The following TNRC6C variants were observed in gnomAD, a reference collection of about 807,000 sequenced individuals.
TNRC6C encodes trinucleotide repeat-containing gene 6C protein.
Under a neutral mutation model 153.7 loss-of-function variants are expected in TNRC6C, and 20 were observed. The ratio of observed to expected loss-of-function variants is 0.13; its 90% CI spans 0.09 to 0.19. TNRC6C has a LOEUF of 0.19. Ranked by LOEUF, TNRC6C falls within the 10% of genes least tolerant of loss-of-function variation. The pLI, the probability that TNRC6C is intolerant of heterozygous loss-of-function variation, is 1.00. For synonymous variants in TNRC6C, 811 were observed against 841.4 expected (o/e 0.96, Z 0.63); for missense variants, 1,987 against 2,172.0 (o/e 0.91, Z 1.69).
chr17:78,067,023 G>T (rs1249461386), intron 4 of TNRC6C: 2 of 152,288 alleles, frequency 1.3e-5, no homozygotes, highest in East Asian at 3.9e-4. Flanking sequence ...GCAAGGATGA[G>T]ATACAGATTT....
At chr17:78,058,810 C>T (rs1417527569) in intron 3 of TNRC6C, among the ~76,000 whole-genome samples, 3 of 152,182 alleles carry the variant, frequency 2.0e-5, no homozygotes, top group Admixed American at 6.5e-5. Context: ...TCCTACAAGT[C>T]GGCAAAGGCT....
At position 78,079,775 on chromosome 17, in the gene TNRC6C, C is replaced by T. The variant is rs1241390680; in HGVS notation, c.3357+234C>T. On this transcript the variant is annotated intron_variant, in intron 10 of 19. Coordinates refer to ENST00000301624, the Ensembl canonical transcript of TNRC6C. This position sits in a 1 kb window ranked among gnomAD's most constrained non-coding sequence, Gnocchi z 4.3. ...TTGCTCCTTGGAATGCCTCAGCCAC[C>T]GAAACTAGCATTTGGCATCTTCCTG... 5.3e-5 allele frequency among the ~76,000 whole-genome samples: 8 copies of T among 152,116 alleles called. No homozygotes were observed. The highest frequency in any genetic ancestry group is 1.4e-4 in the African/African-American group (6 of 41,392).
At chr17:78,007,738 A>G (rs919800108) in intron 1 of TNRC6C, among the ~76,000 whole-genome samples, 4 of 152,228 alleles carry the variant, frequency 2.6e-5, no homozygotes, top group African/African-American at 9.6e-5. Context: ...GAGAAGCTGC[A>G]GTTATAAATT....
exon 3 of TNRC6C, chr17:78,051,015 A>G (rs1159072963): frequency 6.2e-7 from 1 of 1,613,878 alleles, no homozygotes; most frequent in Non-Finnish European, 8.5e-7. Flanking sequence ...AGGCCAATCC[A>G]GGTACAAACT....
chr17:78,043,872 C>T (rs1174893637), intron 2 of TNRC6C, among the ~76,000 whole-genome samples: 1 of 152,198 alleles, frequency 6.6e-6, no homozygotes, highest in Non-Finnish European at 1.5e-5. Flanking sequence ...CCAGTTCCAT[C>T]CATGTTGTTG....
At chr17:77,958,993 G>T (rs1316192890), upstream of TNRC6C, among the ~76,000 whole-genome samples, 1 of 145,844 alleles carries the variant, frequency 6.9e-6, no homozygotes, top group African/African-American at 2.5e-5. Flanking sequence ...CGCCGGAGCC[G>T]CATCCCGCCG....
At chr17:78,106,556 G>C (rs1422005981) in exon 20 of TNRC6C, 1 of 136,488 alleles carries the variant, frequency 7.3e-6, no homozygotes, top group Non-Finnish European at 1.6e-5. Context: ...ACAAAAAAAT[G>C]AAAAAAAAGA....
chr17:77,968,879 C>T (rs1298661036), intron 1 of TNRC6C, among the ~76,000 whole-genome samples: 1 of 152,202 alleles, frequency 6.6e-6, no homozygotes, highest in Non-Finnish European at 1.5e-5. Context: ...CCTTTCCCCC[C>T]TGTTTTCCCA....
intron 1 of TNRC6C, among the ~76,000 whole-genome samples, chr17:78,010,983 C>CGAG (rs1156478389): frequency 2.6e-5 from 4 of 152,176 alleles, no homozygotes; most frequent in Non-Finnish European, 5.9e-5. Context: ...GGGCGCCTCC[C>CGAG]GAGGGCACTT....
intron 3 of TNRC6C, among the ~76,000 whole-genome samples, chr17:78,062,206 C>T (rs1400101739): frequency 6.6e-6 from 1 of 152,140 alleles, no homozygotes; most frequent in South Asian, 2.1e-4. Context: ...TTAGCAATTG[C>T]TGGCGATAAC....
In TNRC6C at chr17:78,108,824, T is replaced by C. The variant is rs2073762492; in HGVS notation, c.*3979T>C. On this transcript the variant is annotated 3_prime_UTR_variant, in exon 20 of 20. Coordinates refer to ENST00000301624, the Ensembl canonical transcript of TNRC6C. ...TATTAAATTTTTTTTTAAATGGCAGTTTCAGACCTGCCCTTTGTGGTTTGT... is the reference window on the plus strand; with the variant it reads ...TATTAAATTTTTTTTTAAATGGCAGCTTCAGACCTGCCCTTTGTGGTTTGT... The C allele has an allele frequency of 1.3e-5, 2 of 152,158 alleles. No individual in the cohort carries two copies. The highest frequency in any genetic ancestry group is 4.1e-4 in the South Asian group (2 of 4,822). 9.4% of individuals were successfully genotyped at this position (152,158 alleles called of 1,614,324 possible). A position where few individuals can be genotyped will look rare whatever the true frequency, so the allele number is the denominator to read the frequency against.
At position 78,054,495 on chromosome 17, in the gene TNRC6C, T is replaced by A. The variant is rs553180718; in HGVS notation, c.2395+3038T>A. On this transcript the variant is annotated intron_variant, in intron 3 of 19. Coordinates refer to ENST00000301624, the Ensembl canonical transcript of TNRC6C. Reference sequence around the variant, plus strand: ...TACTGCACGCCACTGCAGACTACTGTACACCACTGCAAAGTAGAGTTCACC... The same window carrying A: ...TACTGCACGCCACTGCAGACTACTGAACACCACTGCAAAGTAGAGTTCACC... Among the ~76,000 whole-genome samples, 261 of 151,898 alleles carry A rather than the reference T, an allele frequency of 1.7e-3. 1 individual carries two copies. Among genetic ancestry groups the A allele is most frequent in the African/African-American group, 5.8e-3 (239 of 41,376 alleles).
At chr17:78,050,140 T>G (rs1412885794) in exon 3 of TNRC6C, 1 of 1,597,282 alleles carries the variant, frequency 6.3e-7, no homozygotes, top group South Asian at 1.1e-5. Context: ...TGGGAAAGGA[T>G]CAACAGGGTG....
At chr17:77,959,959 C>T (rs1287305782) in intron 1 of TNRC6C, among the ~76,000 whole-genome samples, 1 of 152,100 alleles carries the variant, frequency 6.6e-6, no homozygotes, top group Non-Finnish European at 1.5e-5. Flanking sequence ...GTGGGGGTTC[C>T]CTGCCTGTTA....
intron 1 of TNRC6C, among the ~76,000 whole-genome samples, chr17:77,960,982 T>A (rs1003415915): frequency 3.9e-5 from 6 of 152,168 alleles, no homozygotes; most frequent in Non-Finnish European, 1.5e-5. Flanking sequence ...AGATTTCTCA[T>A]GACCTGACCA....
At chr17:78,046,962 T>A (rs2072424065) in intron 2 of TNRC6C, among the ~76,000 whole-genome samples, 1 of 152,030 alleles carries the variant, frequency 6.6e-6, no homozygotes, top group African/African-American at 2.4e-5. Context: ...TGTTGTGGAA[T>A]GGAACCAATA....
chr17:78,015,888 G>A (rs945049371), intron 1 of TNRC6C, among the ~76,000 whole-genome samples: 2 of 152,106 alleles, frequency 1.3e-5, no homozygotes, highest in Admixed American at 1.3e-4. Flanking sequence ...CTCCAGCCTG[G>A]GCAACAGAGC....
chr17:78,021,638 C>T (rs892198832), intron 1 of TNRC6C, among the ~76,000 whole-genome samples: 4 of 152,164 alleles, frequency 2.6e-5, no homozygotes, highest in African/African-American at 4.8e-5. Context: ...GGCGCAGTCT[C>T]GGCTCACTGC....
intron 2 of TNRC6C, among the ~76,000 whole-genome samples, chr17:78,044,205 TAGATA>T (rs527878352): frequency 9.3e-4 from 141 of 152,332 alleles, no homozygotes; most frequent in African/African-American, 3.1e-3. Flanking sequence ...CTTCTCTGAA[TAGATA>T]ACCCAGTATT....
Sources: gnomAD v4.1 joint callset for allele counts (sites outside exome capture counted in the v4.1 genomes callset) on GRCh38, gnomAD v4.1.1 for gene constraint, Gnocchi (gnomAD v3.1) non-coding constraint, MANE v1.5 for transcripts, NCBI Gene and HGNC (gene_info 2026-07-23, HGNC 2026-07-21) for gene names.